Variants in DOCK1 observed in about 807,000 individuals in gnomAD.
DOCK1 encodes dedicator of cytokinesis 1, also known as dedicator of cytokinesis protein 1.
DOCK1 carries 138 observed loss-of-function variants against 262.7 expected under a neutral mutation model. The ratio of observed to expected loss-of-function variants is 0.53; its 90% CI spans 0.46 to 0.61. The LOEUF (loss-of-function observed/expected upper bound fraction) is 0.61, where lower values mean the gene tolerates loss of function less well. Ranked by LOEUF, DOCK1 falls within the 20% of genes least tolerant of loss-of-function variation. The pLI, the probability that DOCK1 is intolerant of heterozygous loss-of-function variation, is 0.00. For missense variants in DOCK1, 1,908 were observed against 2,370.7 expected, an observed-to-expected ratio of 0.80 and a Z score of 4.05; for synonymous variants, 866 against 867.4, an observed-to-expected ratio of 1.00 and a Z score of 0.03.
At position 127,252,341 on chromosome 10, in the gene DOCK1, T is replaced by G. The variant is rs1452896453; in HGVS notation, c.2949+4232T>G. On this transcript the variant is annotated intron_variant, in intron 28 of 51. Coordinates refer to ENST00000623213, the MANE Select transcript of DOCK1 (RefSeq NM_001290223.2). ...TTTTCTCCCATTTTTTAGGTTGCCT[T>G]TTCACTCTGATGGTAGTTTCTTTTG... Among the ~76,000 whole-genome samples, 148 of 151,506 alleles carry G rather than the reference T, an allele frequency of 9.8e-4. 1 individual carries two copies. The highest frequency in any genetic ancestry group is 3.2e-3 in the African/African-American group (132 of 41,370).
chr10:127,277,816 G>T (rs986054121), intron 29 of DOCK1, among the ~76,000 whole-genome samples: 4 of 152,170 alleles, frequency 2.6e-5, no homozygotes, highest in African/African-American at 9.7e-5. Flanking sequence ...TTTAGATTTA[G>T]TGAGTCTTTT....
chr10:126,938,681 CTG>C (rs1415055385), intron 1 of DOCK1, among the ~76,000 whole-genome samples: 2 of 152,128 alleles, frequency 1.3e-5, no homozygotes, highest in Non-Finnish European at 2.9e-5. Flanking sequence ...CTAGCAAATT[CTG>C]TGTCTAATGA....
rs376169236 is a variant in DOCK1 at position 127,170,443 on chromosome 10, T to C, written c.2847+42679T>C. ...GCAGTGACAGATTCTGATCATGTGCTTGATATCCTCAAGTAAAGCTTCTCA... is the reference window on the plus strand; with the variant it reads ...GCAGTGACAGATTCTGATCATGTGCCTGATATCCTCAAGTAAAGCTTCTCA... On this transcript the variant is annotated intron_variant, in intron 27 of 51. Coordinates refer to ENST00000623213, the MANE Select transcript of DOCK1 (RefSeq NM_001290223.2). Among the ~76,000 whole-genome samples, 17 of 152,348 alleles carry C rather than the reference T, an allele frequency of 1.1e-4. No homozygotes were observed. In the South Asian group the frequency reaches 3.1e-3, roughly 28 times the overall value.
intron 27 of DOCK1, among the ~76,000 whole-genome samples, chr10:127,238,331 T>A (rs147911661): frequency 6.6e-6 from 1 of 152,192 alleles, no homozygotes; most frequent in South Asian, 2.1e-4. Flanking sequence ...AGGCCCATAC[T>A]ATAATTAGGA....
intron 43 of DOCK1, 54 bp from the exon 44 acceptor site, chr10:127,415,098 T>A: frequency 6.5e-7 from 1 of 1,544,842 alleles, no homozygotes; most frequent in Non-Finnish European, 8.9e-7. Flanking sequence ...GGCAGAGCTG[T>A]CCACCTGCTG....
At chr10:127,022,798 T>C (rs1183358358) in intron 13 of DOCK1, among the ~76,000 whole-genome samples, 1 of 152,188 alleles carries the variant, frequency 6.6e-6, no homozygotes, top group Non-Finnish European at 1.5e-5. Flanking sequence ...TGCCAGTGGA[T>C]ACTGCGATAG....
At chr10:126,953,331 G>A (rs1303325111) in intron 1 of DOCK1, among the ~76,000 whole-genome samples, 2 of 150,920 alleles carry the variant, frequency 1.3e-5, no homozygotes, top group Admixed American at 6.6e-5. Flanking sequence ...AGTGGTGGTA[G>A]TATTGTCAGT....
intron 27 of DOCK1, among the ~76,000 whole-genome samples, chr10:127,167,088 G>A (rs751879527): frequency 6.6e-6 from 1 of 151,944 alleles, no homozygotes; most frequent in Non-Finnish European, 1.5e-5. Flanking sequence ...TCATATTAGA[G>A]ATGGAAAGCC....
chr10:127,087,710 G>A (rs917764286), intron 23 of DOCK1, among the ~76,000 whole-genome samples: 4 of 152,126 alleles, frequency 2.6e-5, no homozygotes, highest in African/African-American at 9.7e-5. Context: ...TAGCATTGTA[G>A]AACTAGGAAT....
At chr10:127,278,647 C>T (rs761202932) in intron 29 of DOCK1, among the ~76,000 whole-genome samples, 9 of 152,208 alleles carry the variant, frequency 5.9e-5, no homozygotes, top group Non-Finnish European at 1.0e-4. Context: ...CAAAGCACCA[C>T]TCAGGCTGTG....
intron 43 of DOCK1, among the ~76,000 whole-genome samples, chr10:127,413,560 G>A (rs1031710360): frequency 3.9e-5 from 6 of 152,238 alleles, no homozygotes; most frequent in African/African-American, 1.4e-4. Flanking sequence ...CTGGCAAGGG[G>A]TGACTGATGT....
chr10:126,998,566 G>A (rs1234316646), intron 8 of DOCK1: 1 of 223,848 alleles, frequency 4.5e-6, no homozygotes, highest in Non-Finnish European at 8.9e-6. Context: ...GTCTTCGTAA[G>A]ATTTTATATA....
chr10:127,374,337 T>G, intron 35 of DOCK1, 123 bp downstream of exon 35: 43 of 1,245,570 alleles, frequency 3.5e-5, no homozygotes, highest in Non-Finnish European at 4.2e-5. Flanking sequence ...AACAATCTCC[T>G]TCGCTTGTTT....
At chr10:127,018,163 C>T (rs763675121) in intron 12 of DOCK1, among the ~76,000 whole-genome samples, 11 of 152,214 alleles carry the variant, frequency 7.2e-5, no homozygotes, top group Non-Finnish European at 1.2e-4. Context: ...GCTCCACAGG[C>T]TGCACCTGTC....
intron 27 of DOCK1, among the ~76,000 whole-genome samples, chr10:127,143,001 AG>A (rs1384941779): frequency 1.3e-5 from 2 of 152,158 alleles, no homozygotes; most frequent in Non-Finnish European, 2.9e-5. Flanking sequence ...AGACTGTGCT[AG>A]GCTTTGTAGT....
chr10:127,161,962 ACT>A, intron 27 of DOCK1, among the ~76,000 whole-genome samples: 1 of 152,032 alleles, frequency 6.6e-6, no homozygotes, highest in Non-Finnish European at 1.5e-5. Context: ...GTTAAGTAAA[ACT>A]CTGGAAAACT....
At chr10:127,206,842 A>G (rs1466868584) in intron 27 of DOCK1, among the ~76,000 whole-genome samples, 18 of 152,192 alleles carry the variant, frequency 1.2e-4, no homozygotes, top group Admixed American at 1.2e-3. Flanking sequence ...CCATTTTTCA[A>G]AGCTTTGCTC....
intron 1 of DOCK1, among the ~76,000 whole-genome samples, chr10:126,938,953 C>T (rs1450428716): frequency 3.0e-5 from 2 of 66,298 alleles, no homozygotes; most frequent in Non-Finnish European, 2.6e-5. Flanking sequence ...ACTGGGGGGG[C>T]GAACACCTGG....
rs934215128 is a variant in DOCK1 at position 127,280,314 on chromosome 10, G to A, written c.3044+22885G>A. Among the ~76,000 whole-genome samples, 6 of 152,132 alleles carry A rather than the reference G, an allele frequency of 3.9e-5. No homozygotes were observed. In the East Asian group the frequency reaches 5.8e-4, roughly 15 times the overall value. ...CTCCCAAAGTGCTGGGATTACAGGC[G>A]TGAGCCACCGCGCCCGGCCTTCATA... On this transcript the variant is annotated intron_variant, in intron 29 of 51. Coordinates refer to ENST00000623213, the MANE Select transcript of DOCK1 (RefSeq NM_001290223.2).
Sources: gnomAD v4.1 joint callset for allele counts (sites outside exome capture counted in the v4.1 genomes callset) on GRCh38, gnomAD v4.1.1 for gene constraint, MANE v1.5 for transcripts, NCBI Gene and HGNC (gene_info 2026-07-23, HGNC 2026-07-21) for gene names.